Variants in NCOA7 observed in about 807,000 individuals in gnomAD.
NCOA7 encodes the protein 140 kDa estrogen receptor-associated protein.
In NCOA7, 45 loss-of-function variants were observed where a neutral mutation model predicts 104.3. That is an observed-to-expected ratio of 0.43 (90% CI 0.34 to 0.55). The LOEUF is 0.55. NCOA7 is among the 20% of genes least tolerant of loss of function. The pLI, the probability that NCOA7 is intolerant of heterozygous loss-of-function variation, is 0.02. For synonymous variants in NCOA7, 398 were observed against 402.3 expected (o/e 0.99, Z 0.13); for missense variants, 1,041 against 1,119.7 (o/e 0.93, Z 1.00).
Position 125,889,814 on chromosome 6 carries a change from A to C in NCOA7, c.1760A>C (p.Glu587Ala), listed in dbSNP as rs1337335890. The C allele has an allele frequency of 6.2e-7, 1 of 1,612,946 alleles. No individual in the cohort carries two copies. Among genetic ancestry groups the C allele is most frequent in the African/African-American group, 1.3e-5 (1 of 74,858 alleles). ...GATAAGACCTGGGTGAAAAAGGGAG[A>C]GCCCCTCCCGGTAAAACTGAACTCT... Reference protein sequence around the residue: ...EPDKTWVKKGEPLPVKLNSST... With the variant: ...EPDKTWVKKGAPLPVKLNSST... The change falls in exon 9 of 16, where the codon GAG becomes GCG. Residue 587 changes from glutamate (E) to alanine (A), a missense_variant. Physicochemically the swap from Glu to Ala is moderately radical, Grantham distance 107 (BLOSUM62 -1). Coordinates refer to ENST00000392477, the MANE Select transcript of NCOA7 (RefSeq NM_181782.5).
At chr6:125,800,121 A>G (rs971163731) in intron 1 of NCOA7, among the ~76,000 whole-genome samples, 2 of 152,250 alleles carry the variant, frequency 1.3e-5, no homozygotes, top group Non-Finnish European at 2.9e-5. Context: ...CTGGTTGCAA[A>G]GACAACACTA....
chr6:125,829,130 CTAAAAA>C (rs904350822), intron 2 of NCOA7, among the ~76,000 whole-genome samples: 2 of 151,840 alleles, frequency 1.3e-5, no homozygotes, highest in Non-Finnish European at 1.5e-5. Flanking sequence ...ATTTTAATCT[CTAAAAA>C]TAAAATTTTA....
At chr6:125,881,861 G>C (rs528141337) in intron 6 of NCOA7, among the ~76,000 whole-genome samples, 3 of 151,094 alleles carry the variant, frequency 2.0e-5, no homozygotes, top group Non-Finnish European at 4.4e-5. Context: ...GTTGTTGTTT[G>C]TGTGTGTGAG....
In NCOA7 at chr6:125,867,587, C is replaced by T. The variant is rs145403858; in HGVS notation, c.272-7302C>T. On this transcript the variant is annotated intron_variant, in intron 3 of 15. Coordinates refer to ENST00000392477, the MANE Select transcript of NCOA7 (RefSeq NM_181782.5). ...TAGCCTCTGATGAATGGCAGGGATT[C>T]CCTCTTTATCCTGGAGTTTCCATTA... 4.0e-3 allele frequency among the ~76,000 whole-genome samples: 611 copies of T among 152,234 alleles called. 4 individuals carry two copies. Among genetic ancestry groups the T allele is most frequent in the African/African-American group, 0.012 (505 of 41,526 alleles).
chr6:125,803,578 G>T (rs993893045), intron 1 of NCOA7, among the ~76,000 whole-genome samples: 3 of 152,112 alleles, frequency 2.0e-5, no homozygotes, highest in African/African-American at 4.8e-5. Flanking sequence ...TGATAATTCA[G>T]TTATTTTATT....
At chr6:125,890,119 A>C (rs1003669906) in intron 9 of NCOA7, 138 bp downstream of exon 9, 2 of 638,894 alleles carry the variant, frequency 3.1e-6, no homozygotes, top group Non-Finnish European at 4.7e-6. Context: ...TGATAGCATT[A>C]ACAATTGGGG....
At chr6:125,891,868 G>A (rs930410059) in intron 10 of NCOA7, among the ~76,000 whole-genome samples, 5 of 152,142 alleles carry the variant, frequency 3.3e-5, no homozygotes, top group African/African-American at 1.2e-4. Context: ...TTGCATTTAT[G>A]TAATATACTC....
intron 2 of NCOA7, among the ~76,000 whole-genome samples, chr6:125,815,644 A>G (rs1196420071): frequency 6.6e-6 from 1 of 152,202 alleles, no homozygotes; most frequent in Non-Finnish European, 1.5e-5. Context: ...CAGCGAATCC[A>G]GCTGTCATGC....
chr6:125,915,553 G>A, intron 11 of NCOA7, 73 bp downstream of exon 11: 2 of 1,569,404 alleles, frequency 1.3e-6, no homozygotes, highest in Non-Finnish European at 1.7e-6. Context: ...CAGATTCCAT[G>A]TAACAGGCTG....
chr6:125,912,493 A>G (rs1786664946), intron 10 of NCOA7, among the ~76,000 whole-genome samples: 2 of 152,224 alleles, frequency 1.3e-5, no homozygotes, highest in African/African-American at 4.8e-5. Flanking sequence ...AAGGTGGGAC[A>G]CTAGGGTGTC....
At chr6:125,867,967 C>T (rs112693414) in intron 3 of NCOA7, among the ~76,000 whole-genome samples, 24 of 152,248 alleles carry the variant, frequency 1.6e-4, no homozygotes, top group Middle Eastern at 3.4e-3. Context: ...GAAGTGACAT[C>T]GTGAAGTCAT....
intron 3 of NCOA7, among the ~76,000 whole-genome samples, chr6:125,864,311 T>C (rs1017788868): frequency 1.4e-5 from 2 of 138,140 alleles, no homozygotes; most frequent in South Asian, 4.4e-4. Flanking sequence ...TAGTTACTGA[T>C]TATGATTCCA....
intron 2 of NCOA7, among the ~76,000 whole-genome samples, chr6:125,847,713 C>T (rs555439955): frequency 6.6e-6 from 1 of 152,282 alleles, no homozygotes; most frequent in African/African-American, 2.4e-5. Context: ...AGAAGAAAAC[C>T]TAGGCAATGC....
chr6:125,813,912 G>T (rs914417516), intron 1 of NCOA7, among the ~76,000 whole-genome samples: 4 of 79,392 alleles, frequency 5.0e-5, no homozygotes, highest in African/African-American at 1.5e-4. Flanking sequence ...GCTAAATTTA[G>T]CTAATTAAGT....
chr6:125,852,968 A>G (rs1583378993), intron 2 of NCOA7, among the ~76,000 whole-genome samples: 1 of 152,056 alleles, frequency 6.6e-6, no homozygotes, highest in African/African-American at 2.4e-5. Context: ...GTGAAAAATG[A>G]TGTTGGTATT....
intron 1 of NCOA7, among the ~76,000 whole-genome samples, chr6:125,806,071 T>C (rs907817907): frequency 6.6e-6 from 1 of 152,232 alleles, no homozygotes; most frequent in African/African-American, 2.4e-5. Context: ...CCGGGCACAA[T>C]GGCTCACACC....
chr6:125,819,560 A>G (rs1777961865), intron 2 of NCOA7, among the ~76,000 whole-genome samples: 1 of 152,212 alleles, frequency 6.6e-6, no homozygotes, highest in Non-Finnish European at 1.5e-5. Context: ...AATAATTTAT[A>G]TATGCAAAAT....
At chr6:125,806,445 A>G (rs1776463006) in intron 1 of NCOA7, among the ~76,000 whole-genome samples, 1 of 152,244 alleles carries the variant, frequency 6.6e-6, no homozygotes, top group Non-Finnish European at 1.5e-5. Flanking sequence ...TCTCAGGTAT[A>G]TGAAGTTTAT....
At chr6:125,853,508 C>T (rs1365819901) in intron 2 of NCOA7, among the ~76,000 whole-genome samples, 1 of 152,096 alleles carries the variant, frequency 6.6e-6, no homozygotes, top group Non-Finnish European at 1.5e-5. Context: ...ATGACTTTTC[C>T]TCTGCTGCTC....
Sources: gnomAD v4.1 joint callset for allele counts (sites outside exome capture counted in the v4.1 genomes callset) on GRCh38, gnomAD v4.1.1 for gene constraint, MANE v1.5 for transcripts, NCBI Gene and HGNC (gene_info 2026-07-23, HGNC 2026-07-21) for gene names.